The following LSM7 variants were observed in gnomAD, a reference collection of about 807,000 sequenced individuals.
The protein encoded by LSM7 is U6 snRNA-associated Sm-like protein LSm7.
LSM7 carries 13 observed loss-of-function variants against 14.1 expected under a neutral mutation model. The observed-to-expected ratio is 0.92, with a 90% CI of 0.60 to 1.47. The LOEUF (loss-of-function observed/expected upper bound fraction) is 1.47. Among genes scored for constraint, LSM7 ranks in the 40% most tolerant of loss-of-function variants. The pLI, the probability that LSM7 is intolerant of heterozygous loss-of-function variation, is 0.00. For synonymous variants in LSM7, 70 were observed against 57.1 expected (o/e 1.23, Z -1.02); for missense variants, 108 against 140.8 (o/e 0.77, Z 1.18).
chr19:2,328,484 G>C lies in LSM7; in HGVS notation c.7-7C>G. Reference sequence around the variant, plus strand: ...TTTTCTTCTTCTCCTTATCCTGCGGGGAAAGCAGAGCGCATGAGACCTGGA... The same window carrying C: ...TTTTCTTCTTCTCCTTATCCTGCGGCGAAAGCAGAGCGCATGAGACCTGGA... On this transcript the variant is annotated splice_polypyrimidine_tract_variant and splice_region_variant and intron_variant, in intron 1 of 3. Transcript: ENST00000252622. The C allele has an allele frequency of 1.2e-6, 2 of 1,613,612 alleles. No homozygotes were observed. Among genetic ancestry groups the C allele is most frequent in the African/African-American group, 1.3e-5 (1 of 75,042 alleles).
At chr19:2,324,989 A>C (rs1015326461) in intron 2 of LSM7, 8 of 152,254 alleles carry the variant, frequency 5.3e-5, no homozygotes, top group African/African-American at 1.9e-4. Flanking sequence ...TCCCTCAGTG[A>C]GTTCACGGAA....
chr19:2,326,912 G>A (rs368949708), intron 2 of LSM7, among the ~76,000 whole-genome samples: 1 of 152,250 alleles, frequency 6.6e-6, no homozygotes, highest in Non-Finnish European at 1.5e-5. Context: ...AGCTGCAAGT[G>A]TCCCTAGCCA....
At chr19:2,325,157 G>A (rs1967995318) in intron 2 of LSM7, among the ~76,000 whole-genome samples, 1 of 152,116 alleles carries the variant, frequency 6.6e-6, no homozygotes, top group East Asian at 1.9e-4. Flanking sequence ...TCGCCGCCTT[G>A]GGCCACAACT....
At chr19:2,326,959 T>G (rs1175768788) in intron 2 of LSM7, among the ~76,000 whole-genome samples, 2 of 152,114 alleles carry the variant, frequency 1.3e-5, no homozygotes, top group African/African-American at 2.4e-5. Flanking sequence ...CCTGCAAAGG[T>G]AAGGCACTGA....
At chr19:2,323,503 T>C (rs1486735605) in intron 3 of LSM7, among the ~76,000 whole-genome samples, 1 of 152,142 alleles carries the variant, frequency 6.6e-6, no homozygotes, top group Non-Finnish European at 1.5e-5. Flanking sequence ...CAGGCTGGAG[T>C]GCAGTTGCAC....
intron 2 of LSM7, among the ~76,000 whole-genome samples, chr19:2,326,711 T>C (rs1026189616): frequency 3.9e-5 from 6 of 152,226 alleles, no homozygotes; most frequent in African/African-American, 1.4e-4. Context: ...CCTCAGGTGA[T>C]CCACCTGCCT....
In LSM7 at chr19:2,321,673, G is replaced by A. The variant is rs754506972; in HGVS notation, c.*7C>T. 11 of 1,504,156 alleles carry A rather than the reference G, an allele frequency of 7.3e-6. No homozygotes were observed. The highest frequency in any genetic ancestry group is 1.4e-5 in the African/African-American group (1 of 71,416). 93.2% of individuals were successfully genotyped at this position (1,504,156 alleles called of 1,614,324 possible). A position where few individuals can be genotyped will look rare whatever the true frequency, so the allele number is the denominator to read the frequency against. On this transcript the variant is annotated 3_prime_UTR_variant, in exon 4 of 4. Transcript: ENST00000252622. This position sits in a 1 kb window ranked among gnomAD's most constrained non-coding sequence, Gnocchi z 5.0. ...CCTGCCCTGCACCCCCCGCGCCCCC[G>A]GCCAGGCTAGGCGTCCTGCTGCTGG...
intron 3 of LSM7, 87 bp downstream of exon 3, chr19:2,324,038 C>T (rs1442596343): frequency 9.4e-6 from 6 of 638,066 alleles, no homozygotes; most frequent in South Asian, 3.7e-5. Context: ...CTGCCCCCCT[C>T]GTCCCACTGC....
At position 2,328,559 on chromosome 19, in the gene LSM7, A is replaced by G; in HGVS notation, c.6+2T>C. 2 of 1,591,492 alleles carry G rather than the reference A, an allele frequency of 1.3e-6. No homozygotes were observed. The highest frequency in any genetic ancestry group is 1.7e-6 in the Non-Finnish European group (2 of 1,170,436). Reference sequence around the variant, plus strand: ...CGGCTCCAGATTCCGCCGCGCGCTCACCGCCATCTTGTCGCGCCGTGTGGC... The same window carrying G: ...CGGCTCCAGATTCCGCCGCGCGCTCGCCGCCATCTTGTCGCGCCGTGTGGC... On this transcript the variant is annotated splice_donor_variant, in intron 1 of 3. Coordinates refer to ENST00000252622, the MANE Select transcript of LSM7 (RefSeq NM_016199.3). LOFTEE classifies it high-confidence loss of function.
Position 2,321,583 on chromosome 19 carries a change from C to A in LSM7, c.*97G>T, listed in dbSNP as rs551249402. On this transcript the variant is annotated 3_prime_UTR_variant, in exon 4 of 4. Transcript: ENST00000252622. This position sits in a 1 kb window ranked among gnomAD's most constrained non-coding sequence, Gnocchi z 5.0. ...ACCTATACAAAAAGGAAAATGCTTC[C>A]GTTCCAGGAGGCGGTACTGCGGTGG... is the stretch of plus-strand genomic sequence containing the variant. 8.1e-7 allele frequency: 1 copy of A among 1,229,250 alleles called. No individual in the cohort carries two copies. 76.1% of individuals were successfully genotyped at this position (1,229,250 alleles called of 1,614,324 possible). A position where few individuals can be genotyped will look rare whatever the true frequency, so the allele number is the denominator to read the frequency against.
intron 2 of LSM7, chr19:2,324,687 A>C (rs1967987348): frequency 5.9e-6 from 1 of 168,438 alleles, no homozygotes. Context: ...ACCACCAGCC[A>C]GGAAGAGGAG....
At chr19:2,327,579 C>G (rs1968057467) in intron 2 of LSM7, among the ~76,000 whole-genome samples, 1 of 152,104 alleles carries the variant, frequency 6.6e-6, no homozygotes, top group African/African-American at 2.4e-5. Context: ...GCTCTGTGGC[C>G]CAGGCTGGAG....
At chr19:2,325,501 A>AGGAAGCAGGCACCACCAATCTCG (rs575114914) in intron 2 of LSM7, among the ~76,000 whole-genome samples, 2 of 151,990 alleles carry the variant, frequency 1.3e-5, no homozygotes, top group Admixed American at 6.6e-5. Flanking sequence ...CGCCAATCTC[A>AGGAAGCAGGCACCACCAATCTCG]GGAAGCAGGC....
intron 2 of LSM7, 50 bp from the exon 3 acceptor site, chr19:2,324,246 T>A: frequency 7.0e-7 from 1 of 1,437,502 alleles, no homozygotes; most frequent in Non-Finnish European, 9.6e-7. Flanking sequence ...AGATCCGTCC[T>A]GGGCGCAGGG....
chr19:2,328,402 G>A lies in LSM7; in HGVS notation c.82C>T (p.Gln28Ter). ...YIDKTIRVKF[Q>*]GGREASGILK... ...GCCTCCTCACCTTCGCGGCCTCCCTGGAACTTTACCCGGATCGTCTTGTCG... is the reference window on the plus strand; with the variant it reads ...GCCTCCTCACCTTCGCGGCCTCCCTAGAACTTTACCCGGATCGTCTTGTCG... The change falls in exon 2 of 4, where the codon CAG becomes TAG. Residue 28 changes from glutamine to a stop codon, truncating the protein, a stop_gained. Transcript: ENST00000252622. LOFTEE classifies it high-confidence loss of function. 1 of 1,613,910 alleles carries A rather than the reference G, an allele frequency of 6.2e-7. No individual in the cohort carries two copies. The highest frequency in any genetic ancestry group is 1.7e-5 in the Admixed American group (1 of 60,022).
Position 2,321,887 on chromosome 19 carries a change from C to T in LSM7, c.170-65G>A. The T allele has an allele frequency of 7.5e-7, 1 of 1,332,248 alleles. No homozygotes were observed. The highest frequency in any genetic ancestry group is 1.8e-5 in the South Asian group (1 of 54,388). The allele number at this position is 1,332,248 out of a possible 1,614,324, so 82.5% of individuals were successfully genotyped here. On this transcript the variant is annotated intron_variant, in intron 3 of 3. Coordinates refer to ENST00000252622, the MANE Select transcript of LSM7 (RefSeq NM_016199.3). The surrounding 1 kb of genome is among the most constrained non-coding windows in gnomAD (Gnocchi z 5.0). ...GAAGCCTCCGAGACCCCCCACCCAC[C>T]CAAGACCCTCGCTCCGACCTCCCCA... is the stretch of plus-strand genomic sequence containing the variant.
At position 2,321,962 on chromosome 19, in the gene LSM7, G is replaced by A; in HGVS notation, c.170-140C>T. ...CACGCAGGGACCTCAGACGGGATGCGCTCTGTGGGGCAGGTCCCCGGCTCC... is the reference window on the plus strand; with the variant it reads ...CACGCAGGGACCTCAGACGGGATGCACTCTGTGGGGCAGGTCCCCGGCTCC... On this transcript the variant is annotated intron_variant, in intron 3 of 3. Transcript: ENST00000252622. The surrounding 1 kb of genome is among the most constrained non-coding windows in gnomAD (Gnocchi z 5.0). 6.7e-6 allele frequency: 5 copies of A among 741,380 alleles called. No individual in the cohort carries two copies. The highest frequency in any genetic ancestry group is 3.5e-5 in the South Asian group (1 of 28,498). 45.9% of individuals were successfully genotyped at this position (741,380 alleles called of 1,614,324 possible).
Position 2,328,549 on chromosome 19 carries a change from C to T in LSM7, c.6+12G>A. On this transcript the variant is annotated intron_variant, in intron 1 of 3. Transcript: ENST00000252622. ...CCACGCCCCCCGGCTCCAGATTCCG[C>T]CGCGCGCTCACCGCCATCTTGTCGC... The T allele has an allele frequency of 6.3e-7, 1 of 1,597,582 alleles. No individual in the cohort carries two copies. The highest frequency in any genetic ancestry group is 8.5e-7 in the Non-Finnish European group (1 of 1,173,182).
intron 3 of LSM7, 64 bp downstream of exon 3, chr19:2,324,045 CTGCCCCCCTCGTCCCG>C: frequency 1.2e-6 from 1 of 800,912 alleles, no homozygotes; most frequent in South Asian, 1.8e-5. Context: ...CCTCGTCCCA[CTGCCCCCCTCGTCCCG>C]CTGCCCCCCT....
Sources: gnomAD v4.1 joint callset for allele counts (sites outside exome capture counted in the v4.1 genomes callset) on GRCh38, gnomAD v4.1.1 for gene constraint, Gnocchi (gnomAD v3.1) non-coding constraint, MANE v1.5 for transcripts, NCBI Gene and HGNC (gene_info 2026-07-23, HGNC 2026-07-21) for gene names.